The following CDC42BPA variants were observed in gnomAD, a reference collection of about 807,000 sequenced individuals.
CDC42BPA encodes the protein CDC42 binding protein kinase alpha.
In CDC42BPA, 80 loss-of-function variants were observed where a neutral mutation model predicts 223.5. That is an observed-to-expected ratio of 0.36 (90% CI 0.30 to 0.43). The LOEUF (loss-of-function observed/expected upper bound fraction) is 0.43, where lower values mean the gene tolerates loss of function less well. CDC42BPA is among the 20% of genes least tolerant of loss of function. The pLI, the probability that CDC42BPA is intolerant of heterozygous loss-of-function variation, is 1.00. For missense variants in CDC42BPA, 1,743 were observed against 2,099.9 expected, an observed-to-expected ratio of 0.83 and a Z score of 3.32; for synonymous variants, 694 against 718.6, an observed-to-expected ratio of 0.97 and a Z score of 0.55.
intron 10 of CDC42BPA, among the ~76,000 whole-genome samples, chr1:227,132,527 G>A (rs1320924060): frequency 1.4e-5 from 2 of 138,566 alleles, no homozygotes; most frequent in South Asian, 4.3e-4. Context: ...AAAGAGCCGA[G>A]ATTGCAGCCT....
At chr1:227,060,189 G>A (rs896535563) in intron 21 of CDC42BPA, among the ~76,000 whole-genome samples, 6 of 151,806 alleles carry the variant, frequency 4.0e-5, no homozygotes, top group Admixed American at 6.5e-5. Flanking sequence ...CCACCACCAC[G>A]CCCGGCTAAT....
At chr1:227,068,240 T>G (rs4551562) in intron 21 of CDC42BPA, among the ~76,000 whole-genome samples, 125,666 of 151,406 alleles carry the variant, frequency 0.83, 52,191 homozygotes, top group East Asian at 0.88. Flanking sequence ...AATTTTTTTT[T>G]ATTATACCAC....
Position 227,145,600 on chromosome 1 carries a change from A to C in CDC42BPA, c.1032T>G (p.Ser344Arg), listed in dbSNP as rs754904806. The C allele has an allele frequency of 6.2e-7, 1 of 1,613,828 alleles. No individual in the cohort carries two copies. ...IEDFKKHPFF[S>R]GIDWDNIRNC... Reference sequence around the variant, plus strand: ...TCCGAATATTATCCCAATCAATTCCACTGAAAAATGGGTGTTTCTTAAAGT... The same window carrying C: ...TCCGAATATTATCCCAATCAATTCCCCTGAAAAATGGGTGTTTCTTAAAGT... Residue 344 changes from serine to arginine, a missense_variant, in exon 8 of 37, where the codon AGT becomes AGG. Ser to Arg is a moderately radical substitution (Grantham distance 110). Coordinates refer to ENST00000366766, the MANE Select transcript of CDC42BPA (RefSeq NM_001394014.1).
chr1:227,297,971 C>T (rs1213507429), intron 1 of CDC42BPA, among the ~76,000 whole-genome samples: 13 of 127,086 alleles, frequency 1.0e-4, no homozygotes, highest in Admixed American at 5.4e-4. Flanking sequence ...TACATATACA[C>T]ACACACACAC....
chr1:227,199,742 T>C (rs1671393350), intron 3 of CDC42BPA, 90 bp from the exon 4 acceptor site: 1 of 677,776 alleles, frequency 1.5e-6, no homozygotes, highest in South Asian at 1.9e-5. Flanking sequence ...ATTATTTCTG[T>C]TCTGGAAAAG....
At chr1:227,093,964 A>C (rs544745937) in intron 15 of CDC42BPA, among the ~76,000 whole-genome samples, 2 of 152,272 alleles carry the variant, frequency 1.3e-5, no homozygotes, top group East Asian at 3.9e-4. Flanking sequence ...TTTTTGCATA[A>C]ATCATTTATT....
chr1:227,242,310 A>G (rs1680161404), intron 2 of CDC42BPA, among the ~76,000 whole-genome samples: 1 of 152,160 alleles, frequency 6.6e-6, no homozygotes, highest in South Asian at 2.1e-4. Flanking sequence ...CTTCTTAATC[A>G]TTAGTAAAAT....
intron 1 of CDC42BPA, among the ~76,000 whole-genome samples, chr1:227,310,839 A>G (rs1007159334): frequency 4.1e-5 from 6 of 145,786 alleles, no homozygotes; most frequent in African/African-American, 1.3e-4. Flanking sequence ...GGCACCCGTC[A>G]CCGCGCCCGG....
At chr1:227,088,296 T>C (rs1047842225) in intron 16 of CDC42BPA, among the ~76,000 whole-genome samples, 1 of 152,210 alleles carries the variant, frequency 6.6e-6, no homozygotes, top group Admixed American at 6.5e-5. Flanking sequence ...GACCTGCACA[T>C]AGTAAATTTT....
At position 227,317,719 on chromosome 1, in the gene CDC42BPA, C is replaced by A; in HGVS notation, c.-537G>T. The A allele has an allele frequency of 2.5e-6, 1 of 398,512 alleles. No individual in the cohort carries two copies. The allele number at this position is 398,512 out of a possible 1,614,324, so 24.7% of individuals were successfully genotyped here. On this transcript the variant is annotated 5_prime_UTR_variant, in exon 1 of 37. Coordinates refer to ENST00000366766, the MANE Select transcript of CDC42BPA (RefSeq NM_001394014.1). ...ACCAAAAATGTTGCTGCAAATCCTC[C>A]CAACCACCACTTGGATAATGCATCA... is the stretch of plus-strand genomic sequence containing the variant.
intron 2 of CDC42BPA, among the ~76,000 whole-genome samples, chr1:227,242,891 C>T (rs1343218771): frequency 6.6e-6 from 1 of 152,154 alleles, no homozygotes; most frequent in Non-Finnish European, 1.5e-5. Flanking sequence ...CACTGCAGCA[C>T]TATTCACAAT....
chr1:227,276,213 C>T (rs1330283348), intron 1 of CDC42BPA, among the ~76,000 whole-genome samples: 2 of 151,922 alleles, frequency 1.3e-5, no homozygotes, highest in Non-Finnish European at 2.9e-5. Context: ...TCTGCCCCGC[C>T]GCCCCGTCTG....
At chr1:227,217,184 T>A (rs893830543) in intron 2 of CDC42BPA, among the ~76,000 whole-genome samples, 1 of 152,076 alleles carries the variant, frequency 6.6e-6, no homozygotes, top group Non-Finnish European at 1.5e-5. Flanking sequence ...ACATGGCTCA[T>A]GTCTGTAATC....
intron 1 of CDC42BPA, among the ~76,000 whole-genome samples, chr1:227,314,269 T>C (rs571823559): frequency 6.6e-6 from 1 of 152,064 alleles, no homozygotes; most frequent in Non-Finnish European, 1.5e-5. Flanking sequence ...AAAAACATAG[T>C]CTTTCAAATA....
chr1:227,052,182 T>C (rs1040435655), intron 21 of CDC42BPA, among the ~76,000 whole-genome samples, 197 bp from the exon 22 acceptor site: 8 of 152,176 alleles, frequency 5.3e-5, no homozygotes, highest in South Asian at 2.1e-4. Flanking sequence ...TAAACAAGGA[T>C]TGACAGAATA....
chr1:227,260,738 G>A (rs957112837), intron 1 of CDC42BPA, among the ~76,000 whole-genome samples: 9 of 151,064 alleles, frequency 6.0e-5, no homozygotes, highest in South Asian at 4.1e-4. Context: ...CTTTCGTCTC[G>A]AATTTCTCCA....
chr1:227,278,631 A>C (rs1404209707), intron 1 of CDC42BPA, among the ~76,000 whole-genome samples: 1 of 152,188 alleles, frequency 6.6e-6, no homozygotes, highest in East Asian at 1.9e-4. Context: ...TTTACTGAGA[A>C]GTAAACCATA....
At chr1:227,303,550 T>C (rs1366165330) in intron 1 of CDC42BPA, among the ~76,000 whole-genome samples, 1 of 152,178 alleles carries the variant, frequency 6.6e-6, no homozygotes, top group African/African-American at 2.4e-5. Context: ...TTCTACTGCT[T>C]CTAAACCAGC....
chr1:227,276,188 G>A (rs2148517326), intron 1 of CDC42BPA, among the ~76,000 whole-genome samples: 1 of 151,710 alleles, frequency 6.6e-6, no homozygotes, highest in Non-Finnish European at 1.5e-5. Context: ...CATCGTCTGA[G>A]ATGTGGGGAG....
Sources: gnomAD v4.1 joint callset for allele counts (sites outside exome capture counted in the v4.1 genomes callset) on GRCh38, gnomAD v4.1.1 for gene constraint, MANE v1.5 for transcripts, NCBI Gene and HGNC (gene_info 2026-07-23, HGNC 2026-07-21) for gene names.